GRM7: variants seen among roughly 807,000 people sequenced by gnomAD.
GRM7 encodes glutamate metabotropic receptor 7.
GRM7 carries 35 observed loss-of-function variants against 84.5 expected under a neutral mutation model. The observed-to-expected ratio is 0.41, with a 90% confidence interval of 0.32 to 0.55. The LOEUF is 0.55. Among genes scored for constraint, GRM7 ranks in the 20% least tolerant of loss-of-function variants. The pLI, the probability that GRM7 is intolerant of heterozygous loss-of-function variation, is 0.19. For missense variants in GRM7, 1,003 were observed against 1,194.6 expected, an observed-to-expected ratio of 0.84 and a Z score of 2.36; for synonymous variants, 487 against 455.1, an observed-to-expected ratio of 1.07 and a Z score of -0.89.
At chr3:7,102,945 C>T (rs1699164943) in intron 1 of GRM7, among the ~76,000 whole-genome samples, 1 of 151,600 alleles carries the variant, frequency 6.6e-6, no homozygotes, top group Non-Finnish European at 1.5e-5. Flanking sequence ...TTCTCCATCT[C>T]TTTGCTTATT....
At chr3:7,702,857 A>G (rs1182867645) in intron 9 of GRM7, among the ~76,000 whole-genome samples, 1 of 152,214 alleles carries the variant, frequency 6.6e-6, no homozygotes, top group Admixed American at 6.5e-5. Context: ...TGTCACTATG[A>G]CATTTTAAAA....
At chr3:7,156,817 G>A (rs1003761652) in intron 2 of GRM7, among the ~76,000 whole-genome samples, 8 of 151,972 alleles carry the variant, frequency 5.3e-5, no homozygotes, top group African/African-American at 9.7e-5. Flanking sequence ...TTTAATCAAC[G>A]TGAATTTTTT....
intron 8 of GRM7, among the ~76,000 whole-genome samples, chr3:7,601,614 A>C (rs1696315132): frequency 6.6e-6 from 1 of 152,134 alleles, no homozygotes; most frequent in Non-Finnish European, 1.5e-5. Flanking sequence ...AAGAACAAAA[A>C]CCTGGCTCAG....
At chr3:7,068,602 G>A (rs1017154895) in intron 1 of GRM7, among the ~76,000 whole-genome samples, 2 of 151,898 alleles carry the variant, frequency 1.3e-5, no homozygotes, top group South Asian at 2.1e-4. Context: ...TGGCTTGTTT[G>A]TTAAACTGAG....
chr3:7,246,716 A>C (rs1050403867), intron 2 of GRM7, among the ~76,000 whole-genome samples: 1 of 152,148 alleles, frequency 6.6e-6, no homozygotes, highest in Non-Finnish European at 1.5e-5. Context: ...AGGCATTGCT[A>C]TGCCAATTCT....
At chr3:7,204,504 GA>G (rs200104485) in intron 2 of GRM7, among the ~76,000 whole-genome samples, 1,951 of 152,310 alleles carry the variant, frequency 0.013, 38 homozygotes, top group African/African-American at 0.043. Context: ...TGGACAAAGG[GA>G]AAATGATTCC....
intron 1 of GRM7, among the ~76,000 whole-genome samples, chr3:7,096,704 G>T (rs1014156648): frequency 1.3e-5 from 2 of 152,076 alleles, no homozygotes; most frequent in Non-Finnish European, 2.9e-5. Context: ...AAATTCCAAT[G>T]CTCTATTCAC....
intron 8 of GRM7, among the ~76,000 whole-genome samples, chr3:7,604,568 A>T (rs1257670754): frequency 2.0e-5 from 3 of 152,158 alleles, no homozygotes; most frequent in African/African-American, 7.2e-5. Flanking sequence ...AAAGCCAGGT[A>T]CCTGGTCAGT....
At chr3:7,036,526 A>T (rs2124934353) in intron 1 of GRM7, among the ~76,000 whole-genome samples, 1 of 152,320 alleles carries the variant, frequency 6.6e-6, no homozygotes, top group East Asian at 1.9e-4. Flanking sequence ...CTAATTCATT[A>T]AAAATATCAT....
chr3:7,093,691 AAAAAAAAAAAAAAAAAAAAAAAAG>A (rs1187207456), intron 1 of GRM7, among the ~76,000 whole-genome samples: 5 of 104,510 alleles, frequency 4.8e-5, no homozygotes, highest in East Asian at 2.9e-4. Context: ...AAAAAAAAAA[AAAAAAAAAAAAAAAAAAAAAAAAG>A]GTAGTTAGTG....
At chr3:7,474,461 C>G (rs934546227) in intron 7 of GRM7, among the ~76,000 whole-genome samples, 1 of 143,142 alleles carries the variant, frequency 7.0e-6, no homozygotes, top group African/African-American at 2.7e-5. Flanking sequence ...AAAAAATTGA[C>G]AATTGAGAGT....
intron 4 of GRM7, among the ~76,000 whole-genome samples, chr3:7,342,538 G>A (rs17047173): frequency 0.031 from 4,791 of 152,132 alleles, 244 homozygotes; most frequent in African/African-American, 0.11. Context: ...AGAGTACACC[G>A]AGGGAAGAAC....
chr3:7,597,453 T>G (rs1696103057), intron 8 of GRM7, among the ~76,000 whole-genome samples: 1 of 152,150 alleles, frequency 6.6e-6, no homozygotes, highest in African/African-American at 2.4e-5. Context: ...CATTCTTAGC[T>G]TGTAGACCAC....
intron 2 of GRM7, among the ~76,000 whole-genome samples, chr3:7,218,849 ATTAT>A (rs1318295363): frequency 7.2e-5 from 11 of 151,924 alleles, no homozygotes; most frequent in Non-Finnish European, 1.6e-4. Context: ...CATTTTACTT[ATTAT>A]TTTTAACATT....
chr3:7,390,575 G>A (rs1016905419), intron 4 of GRM7, among the ~76,000 whole-genome samples: 1 of 151,538 alleles, frequency 6.6e-6, no homozygotes, highest in African/African-American at 2.4e-5. Flanking sequence ...TAGTATTTTG[G>A]TCTAATTGGG....
At chr3:6,995,856 A>G (rs561989260) in intron 1 of GRM7, among the ~76,000 whole-genome samples, 11 of 152,262 alleles carry the variant, frequency 7.2e-5, no homozygotes, top group Non-Finnish European at 1.6e-4. Context: ...TATCACTTAA[A>G]CCCTAATTTT....
At chr3:7,073,824 T>C (rs956822777) in intron 1 of GRM7, among the ~76,000 whole-genome samples, 4 of 150,914 alleles carry the variant, frequency 2.7e-5, no homozygotes, top group African/African-American at 9.9e-5. Context: ...ATAAGGTTTA[T>C]GGTCTTAGAG....
chr3:7,030,735 T>A (rs1696155993), intron 1 of GRM7, among the ~76,000 whole-genome samples: 1 of 152,236 alleles, frequency 6.6e-6, no homozygotes, highest in African/African-American at 2.4e-5. Context: ...TGATTTGGAA[T>A]TTAATGGATT....
chr3:7,649,080 T>A (rs111641636), intron 8 of GRM7, among the ~76,000 whole-genome samples: 29,585 of 151,940 alleles, frequency 0.19, 3,297 homozygotes, highest in Non-Finnish European at 0.25. Context: ...TTTTCTTTTT[T>A]TTTTTTTGAG....
Sources: allele counts gnomAD v4.1 joint callset (sites outside exome capture counted in the v4.1 genomes callset), GRCh38; gene constraint gnomAD v4.1.1; transcripts MANE v1.5; gene names NCBI Gene and HGNC (gene_info 2026-07-23, HGNC 2026-07-21).